NLGN4Y: variants seen among roughly 807,000 people sequenced by gnomAD.
NLGN4Y encodes neuroligin 4 Y-linked.
In NLGN4Y, 4 loss-of-function variants were observed where a neutral mutation model predicts 8.4. That is an observed-to-expected ratio of 0.48 (90% confidence interval 0.23 to 1.09). NLGN4Y has a LOEUF of 1.09. Ranked by LOEUF, NLGN4Y falls within the 50% of genes least tolerant of loss-of-function variation. The probability of loss-of-function intolerance (pLI) is 0.19; values close to 1 mark genes in which losing one functional copy is unlikely to be tolerated. For synonymous variants in NLGN4Y, 35 were observed against 75.6 expected (o/e 0.46, Z 2.78); for missense variants, 90 against 192.3 (o/e 0.47, Z 3.15).
chrY:14,824,161 A>G, intron 4 of NLGN4Y, 27 bp from the exon 5 acceptor site: 1 of 396,447 alleles, frequency 2.5e-6, no homozygotes, highest in Non-Finnish European at 3.5e-6. Context: ...TTTTTGACCA[A>G]CAAAAATGTC....
chrY:14,582,791 T>C (rs766934982), intron 1 of NLGN4Y, among the ~76,000 whole-genome samples: 1 of 34,324 alleles, frequency 2.9e-5, no homozygotes, highest in Admixed American at 2.6e-4. Flanking sequence ...CAGTATGTTT[T>C]TGTAATGGTC....
intron 4 of NLGN4Y, among the ~76,000 whole-genome samples, chrY:14,782,905 A>C (rs2042947885): frequency 3.0e-5 from 1 of 33,699 alleles, no homozygotes; most frequent in African/African-American, 1.2e-4. Flanking sequence ...CAAGGAAAGA[A>C]AATTGGAGGC....
At chrY:14,816,635 T>A (rs759020484) in intron 4 of NLGN4Y, among the ~76,000 whole-genome samples, 1 of 34,069 alleles carries the variant, frequency 2.9e-5, no homozygotes, top group African/African-American at 1.1e-4. Flanking sequence ...GATCCCTGGG[T>A]GAAGAGGGTT....
At chrY:14,690,276 GA>G (rs2080805253) in intron 2 of NLGN4Y, among the ~76,000 whole-genome samples, 1 of 31,836 alleles carries the variant, frequency 3.1e-5, no homozygotes, top group Non-Finnish European at 7.7e-5. Context: ...CAGTAAATTG[GA>G]AAAAAAATAT....
At chrY:14,772,900 G>C in intron 4 of NLGN4Y, among the ~76,000 whole-genome samples, 2 of 33,061 alleles carry the variant, frequency 6.0e-5, no homozygotes, top group African/African-American at 2.4e-4. Context: ...AAAAAATTAG[G>C]TATTGATGGA....
chrY:14,815,433 T>A (rs370183373), intron 4 of NLGN4Y, among the ~76,000 whole-genome samples: 15 of 32,658 alleles, frequency 4.6e-4, no homozygotes, highest in African/African-American at 9.6e-4. Flanking sequence ...GTTAAGCAGG[T>A]AGGAGGTGAT....
chrY:14,802,737 T>G, intron 4 of NLGN4Y, among the ~76,000 whole-genome samples: 1 of 23,419 alleles, frequency 4.3e-5, no homozygotes, highest in African/African-American at 1.7e-4. Flanking sequence ...ATTATATATG[T>G]AATTATATAT....
chrY:14,538,425 G>C (rs2080139643), intron 1 of NLGN4Y, among the ~76,000 whole-genome samples: 1 of 34,231 alleles, frequency 2.9e-5, no homozygotes, highest in Non-Finnish European at 7.3e-5. Context: ...TTATGCAGCA[G>C]AGATCGAATA....
chrY:14,614,710 G>T, intron 1 of NLGN4Y, among the ~76,000 whole-genome samples: 1 of 33,380 alleles, frequency 3.0e-5, no homozygotes, highest in East Asian at 7.8e-4. Flanking sequence ...CCCATTTCTT[G>T]TTTTTGTCAG....
chrY:14,625,531 G>T (rs762497317), intron 2 of NLGN4Y, among the ~76,000 whole-genome samples: 1 of 33,135 alleles, frequency 3.0e-5, no homozygotes, highest in East Asian at 7.9e-4. Flanking sequence ...TGGTGTGTGT[G>T]TATGTGTGTG....
chrY:14,571,413 T>G lies in NLGN4Y; in HGVS notation c.-112+46705T>G, dbSNP rs771178715. Among the ~76,000 whole-genome samples the G allele has an allele frequency of 8.9e-5, 3 of 33,863 alleles. No homozygotes were observed. In the East Asian group the frequency reaches 2.3e-3, roughly 26 times the overall value. 90.9% of individuals were successfully genotyped at this position (33,863 alleles called of 37,273 possible). A position where few individuals can be genotyped will look rare whatever the true frequency, so the allele number is the denominator to read the frequency against. On this transcript the variant is annotated intron_variant, in intron 1 of 6. Coordinates refer to ENST00000684976, the MANE Select transcript of NLGN4Y (RefSeq NM_001365588.1). ...ATATCTTCTTTTGAGAAGTGTCTGT[T>G]CATATTCTTTGCCTACTTTCTGATG...
intron 2 of NLGN4Y, among the ~76,000 whole-genome samples, chrY:14,697,690 A>C: frequency 3.1e-5 from 1 of 32,404 alleles, no homozygotes; most frequent in Admixed American, 2.8e-4. Flanking sequence ...GGTAGAGGAC[A>C]GAGGGATAGA....
chrY:14,523,844 T>G, upstream of NLGN4Y: 1 of 73,063 alleles, frequency 1.4e-5, no homozygotes, highest in Non-Finnish European at 3.1e-5. Flanking sequence ...ATGGCTTGGT[T>G]GGGCTGGAGA....
chrY:14,582,317 AT>A (rs2080322056), intron 1 of NLGN4Y, among the ~76,000 whole-genome samples: 2 of 33,478 alleles, frequency 6.0e-5, no homozygotes, highest in Admixed American at 5.4e-4. Flanking sequence ...AAAGCTAATA[AT>A]TTTTTAACGT....
At chrY:14,783,142 C>T in intron 4 of NLGN4Y, among the ~76,000 whole-genome samples, 1 of 33,519 alleles carries the variant, frequency 3.0e-5, no homozygotes, top group Non-Finnish European at 7.4e-5. Flanking sequence ...TATTTATAAT[C>T]TTAGTATAGT....
At chrY:14,653,299 G>T in intron 2 of NLGN4Y, among the ~76,000 whole-genome samples, 3 of 31,974 alleles carry the variant, frequency 9.4e-5, no homozygotes, top group African/African-American at 2.5e-4. Flanking sequence ...GTGTGTGTGA[G>T]AGTGTGTGAT....
chrY:14,551,130 G>A, intron 1 of NLGN4Y, among the ~76,000 whole-genome samples: 1 of 33,567 alleles, frequency 3.0e-5, no homozygotes, highest in Non-Finnish European at 7.4e-5. Flanking sequence ...AGAAAGGAGG[G>A]CTTTCAATCC....
intron 4 of NLGN4Y, among the ~76,000 whole-genome samples, chrY:14,756,866 CATATATATAT>C (rs145217639): frequency 0.28 from 604 of 2,132 alleles, no homozygotes; most frequent in South Asian, 0.68. Context: ...ATATTTTATA[CATATATATAT>C]ATATATATAT....
intron 4 of NLGN4Y, among the ~76,000 whole-genome samples, chrY:14,773,870 C>T (rs112913671): frequency 0.059 from 1,947 of 33,151 alleles, no homozygotes; most frequent in South Asian, 0.3. Context: ...AAGCCATATG[C>T]GGAAAACAGA....
Sources: gnomAD v4.1 joint callset for allele counts (sites outside exome capture counted in the v4.1 genomes callset) on GRCh38, gnomAD v4.1.1 for gene constraint, MANE v1.5 for transcripts, NCBI Gene and HGNC (gene_info 2026-07-23, HGNC 2026-07-21) for gene names.